RBFOX1: variants seen among roughly 807,000 people sequenced by gnomAD.
RBFOX1 encodes RNA binding fox-1 homolog 1.
Under a neutral mutation model 57.7 loss-of-function variants are expected in RBFOX1, and 8 were observed. That is an observed-to-expected ratio of 0.14 (90% CI 0.08 to 0.25). RBFOX1 has a LOEUF of 0.25. Among genes scored for constraint, RBFOX1 ranks in the 10% least tolerant of loss-of-function variants. The probability of loss-of-function intolerance (pLI) is 1.00; values close to 1 mark genes in which losing one functional copy is unlikely to be tolerated. For missense variants in RBFOX1, 611 were observed against 548.5 expected, an observed-to-expected ratio of 1.11 and a Z score of -1.14; for synonymous variants, 326 against 222.4, an observed-to-expected ratio of 1.47 and a Z score of -4.15.
Position 6,020,606 on chromosome 16 carries a change from G to T in RBFOX1, c.-127+614G>T, listed in dbSNP as rs112859622. On this transcript the variant is annotated intron_variant, in intron 1 of 15. Coordinates refer to ENST00000550418, the MANE Select transcript of RBFOX1 (RefSeq NM_018723.4). Reference sequence around the variant, plus strand: ...AACCTGCGAATGGGAAACTCCTACTGTGCCCCTGGTTCCTGGGAGCCTTAG... The same window carrying T: ...AACCTGCGAATGGGAAACTCCTACTTTGCCCCTGGTTCCTGGGAGCCTTAG... 7.9e-4 allele frequency among the ~76,000 whole-genome samples: 120 copies of T among 152,274 alleles called. 2 individuals are homozygous for T. In the East Asian group the frequency reaches 0.021, roughly 27 times the overall value.
At chr16:7,304,514 G>C in intron 4 of RBFOX1, 16 of 985,346 alleles carry the variant, frequency 1.6e-5, no homozygotes, top group Non-Finnish European at 1.8e-5. Context: ...CTCGGTGGCT[G>C]CTTTCCTGGG....
chr16:6,845,415 A>C (rs925997749), intron 3 of RBFOX1, among the ~76,000 whole-genome samples: 2 of 152,108 alleles, frequency 1.3e-5, no homozygotes, highest in African/African-American at 4.8e-5. Flanking sequence ...CAGTTGTCCC[A>C]GCACCATTTA....
chr16:7,198,599 C>T (rs987412625), intron 4 of RBFOX1, among the ~76,000 whole-genome samples: 8 of 152,124 alleles, frequency 5.3e-5, no homozygotes, highest in African/African-American at 1.9e-4. Context: ...AGTCCAAGAG[C>T]ATGACACTGC....
intron 2 of RBFOX1, among the ~76,000 whole-genome samples, chr16:6,649,558 T>G (rs2098560325): frequency 6.6e-6 from 1 of 152,142 alleles, no homozygotes; most frequent in African/African-American, 2.4e-5. Flanking sequence ...ACTGTACCAT[T>G]CTTATGCCTT....
At chr16:6,114,482 G>T (rs2096478578) in intron 1 of RBFOX1, among the ~76,000 whole-genome samples, 3 of 152,186 alleles carry the variant, frequency 2.0e-5, no homozygotes, top group African/African-American at 4.8e-5. Flanking sequence ...AAAGGCAATA[G>T]TTGCTGCAGT....
At chr16:7,601,124 A>G (rs2094995016) in intron 9 of RBFOX1, among the ~76,000 whole-genome samples, 4 of 152,090 alleles carry the variant, frequency 2.6e-5, no homozygotes, top group Admixed American at 1.3e-4. Flanking sequence ...TTTCTTAGAG[A>G]TGTTAGGAAG....
At chr16:6,516,332 A>T (rs766989928) in intron 2 of RBFOX1, among the ~76,000 whole-genome samples, 2 of 152,212 alleles carry the variant, frequency 1.3e-5, no homozygotes, top group East Asian at 3.9e-4. Context: ...ATAAGCTGCT[A>T]TCTAATCCTC....
At chr16:7,635,287 G>A (rs1044510237) in intron 11 of RBFOX1, among the ~76,000 whole-genome samples, 4 of 152,160 alleles carry the variant, frequency 2.6e-5, no homozygotes, top group South Asian at 2.1e-4. Context: ...GCCAGCTACC[G>A]CAGATCCTTA....
chr16:5,875,436 C>G (rs1194297110), intron 4 of RBFOX1, among the ~76,000 whole-genome samples: 2 of 152,156 alleles, frequency 1.3e-5, no homozygotes, highest in Admixed American at 6.6e-5. Flanking sequence ...CTTTCTTTGT[C>G]TCGTTTGTCT....
chr16:6,047,515 T>C lies in RBFOX1; in HGVS notation c.-127+27523T>C, dbSNP rs192004121. On this transcript the variant is annotated intron_variant, in intron 1 of 15. Transcript: ENST00000550418. ...ACTCCAGGATTTTGGGTGATGAGCATGCAATGCCTGGCTGTCTTCCATCTG... is the reference window on the plus strand; with the variant it reads ...ACTCCAGGATTTTGGGTGATGAGCACGCAATGCCTGGCTGTCTTCCATCTG... Among the ~76,000 whole-genome samples, 180 of 152,316 alleles carry C rather than the reference T, an allele frequency of 1.2e-3. 1 individual carries two copies. Among genetic ancestry groups the C allele is most frequent in the Non-Finnish European group, 7.1e-4 (48 of 68,024 alleles).
intron 3 of RBFOX1, among the ~76,000 whole-genome samples, chr16:5,629,767 G>GCTTTC (rs1596511669): frequency 6.6e-6 from 1 of 152,226 alleles, no homozygotes; most frequent in East Asian, 1.9e-4. Flanking sequence ...AGTGGTGAGT[G>GCTTTC]CTTTCTGTTC....
intron 2 of RBFOX1, among the ~76,000 whole-genome samples, chr16:5,475,524 C>G (rs1597217559): frequency 6.6e-6 from 1 of 152,342 alleles, no homozygotes; most frequent in Middle Eastern, 3.4e-3. Flanking sequence ...TAATTGGGAC[C>G]TTCAGAGCCA....
intron 3 of RBFOX1, among the ~76,000 whole-genome samples, chr16:6,864,657 A>T (rs1415302213): frequency 1.3e-5 from 2 of 150,992 alleles, no homozygotes; most frequent in Non-Finnish European, 2.9e-5. Context: ...TTTGTTCTTG[A>T]TGGAAAATTC....
intron 2 of RBFOX1, among the ~76,000 whole-genome samples, chr16:6,606,350 A>G (rs7197314): frequency 6.6e-6 from 1 of 152,224 alleles, no homozygotes; most frequent in Non-Finnish European, 1.5e-5. Flanking sequence ...GCATGTCTCA[A>G]AAATGACTGT....
chr16:5,665,016 C>G (rs1225880877), intron 3 of RBFOX1, among the ~76,000 whole-genome samples: 1 of 151,736 alleles, frequency 6.6e-6, no homozygotes, highest in South Asian at 2.1e-4. Flanking sequence ...ACAGTCCTAG[C>G]TCACTGCAGC....
chr16:5,829,629 G>A (rs1189440935), intron 3 of RBFOX1, among the ~76,000 whole-genome samples: 2 of 152,080 alleles, frequency 1.3e-5, no homozygotes, highest in East Asian at 1.9e-4. Context: ...AACAGCCCCT[G>A]CTCATGATCT....
intron 4 of RBFOX1, among the ~76,000 whole-genome samples, chr16:7,482,479 G>C (rs894272676): frequency 4.5e-5 from 6 of 134,700 alleles, no homozygotes; most frequent in Non-Finnish European, 9.6e-5. Context: ...AGTTGTTGTT[G>C]TTGTTGTTGT....
chr16:6,410,801 T>G (rs1435108273), intron 2 of RBFOX1, among the ~76,000 whole-genome samples: 1 of 151,950 alleles, frequency 6.6e-6, no homozygotes, highest in Non-Finnish European at 1.5e-5. Flanking sequence ...GCTGTTGGAG[T>G]GGAAACAAAC....
intron 3 of RBFOX1, among the ~76,000 whole-genome samples, chr16:6,779,163 C>T (rs1258498074): frequency 6.6e-6 from 1 of 152,016 alleles, no homozygotes; most frequent in African/African-American, 2.4e-5. Context: ...CTAACTCCCC[C>T]TTGCTCTCAA....
Sources: gnomAD v4.1 joint callset for allele counts (sites outside exome capture counted in the v4.1 genomes callset) on GRCh38, gnomAD v4.1.1 for gene constraint, MANE v1.5 for transcripts, NCBI Gene and HGNC (gene_info 2026-07-23, HGNC 2026-07-21) for gene names.